Variants in IQUB observed in about 807,000 individuals in gnomAD.
IQUB encodes IQ motif and ubiquitin-like domain-containing protein.
Under a neutral mutation model 86.4 loss-of-function variants are expected in IQUB, and 86 were observed. The ratio of observed to expected loss-of-function variants is 1.00; its 90% CI spans 0.84 to 1.19. The LOEUF is 1.19. IQUB is among the 50% of genes most tolerant of loss of function. The pLI, the probability that IQUB is intolerant of heterozygous loss-of-function variation, is 0.00. For synonymous variants in IQUB, 289 were observed against 304.5 expected (o/e 0.95, Z 0.53); for missense variants, 946 against 916.9 (o/e 1.03, Z -0.41).
intron 7 of IQUB, among the ~76,000 whole-genome samples, chr7:123,483,217 T>C (rs1372723924): frequency 6.6e-6 from 1 of 152,108 alleles, no homozygotes; most frequent in Non-Finnish European, 1.5e-5. Context: ...GAGGTTTACA[T>C]AGCTTTAGCT....
rs1402039539 is a variant in IQUB, at chr7:123,517,359, G to A, written c.-4-5015C>T. 4.0e-5 allele frequency among the ~76,000 whole-genome samples: 6 copies of A among 151,034 alleles called. No homozygotes were observed. The South Asian group carries it at 1.0e-3, about 26-fold the overall frequency. On this transcript the variant is annotated intron_variant, in intron 1 of 12. Transcript: ENST00000324698. ...ATCCTGGCTAACACGGTGAAACCCC[G>A]CTCTACTAAAAATACAAAAAAATTA... is the stretch of plus-strand genomic sequence containing the variant.
At position 123,514,070 on chromosome 7, in the gene IQUB, AT is replaced by A. The variant is rs113066570; in HGVS notation, c.-4-1727del. ...CAAACAGGTTAAATAAAAATAATTA[AT>A]AGTCATATACATTGTAATGAAATTA... On this transcript the variant is annotated intron_variant, in intron 1 of 12. Coordinates refer to ENST00000324698, the MANE Select transcript of IQUB (RefSeq NM_178827.5). 4.9e-3 allele frequency among the ~76,000 whole-genome samples: 753 copies of A among 152,392 alleles called. 4 individuals are homozygous for A. The highest frequency in any genetic ancestry group is 0.017 in the African/African-American group (706 of 41,602).
chr7:123,509,735 G>C (rs528326663), intron 3 of IQUB, among the ~76,000 whole-genome samples, 166 bp downstream of exon 3: 1 of 152,212 alleles, frequency 6.6e-6, no homozygotes, highest in African/African-American at 2.4e-5. Flanking sequence ...AAAGTATCTA[G>C]AACAAAGTAT....
At chr7:123,532,077 C>A (rs1797560247) in intron 1 of IQUB, among the ~76,000 whole-genome samples, 1 of 152,144 alleles carries the variant, frequency 6.6e-6, no homozygotes. Flanking sequence ...TTAATTCTTA[C>A]AGTTGATAAA....
intron 3 of IQUB, among the ~76,000 whole-genome samples, chr7:123,505,893 C>T (rs1416629434): frequency 1.3e-5 from 2 of 152,144 alleles, no homozygotes; most frequent in Non-Finnish European, 2.9e-5. Context: ...AATTTTTATG[C>T]TCTGCTTCCT....
At chr7:123,505,854 T>C (rs1024210560) in intron 3 of IQUB, among the ~76,000 whole-genome samples, 5 of 152,342 alleles carry the variant, frequency 3.3e-5, no homozygotes, top group African/African-American at 1.2e-4. Context: ...TTTTCTTTTC[T>C]ACCAAATGAT....
At chr7:123,520,997 T>A (rs1796876528) in intron 1 of IQUB, among the ~76,000 whole-genome samples, 1 of 152,112 alleles carries the variant, frequency 6.6e-6, no homozygotes, top group Admixed American at 6.5e-5. Flanking sequence ...GAGGTATGCA[T>A]GGAAATTAGA....
At chr7:123,485,136 G>T (rs1482602746) in intron 7 of IQUB, among the ~76,000 whole-genome samples, 1 of 152,066 alleles carries the variant, frequency 6.6e-6, no homozygotes, top group South Asian at 2.1e-4. Flanking sequence ...AGTACCATTG[G>T]TTGGGTGGTT....
intron 6 of IQUB, among the ~76,000 whole-genome samples, chr7:123,497,931 G>C (rs1180891649): frequency 6.6e-6 from 1 of 151,780 alleles, no homozygotes; most frequent in African/African-American, 2.4e-5. Flanking sequence ...CTGATGGATG[G>C]TCTGAGCAGA....
intron 1 of IQUB, among the ~76,000 whole-genome samples, chr7:123,517,530 C>CAAAAAAAAAA (rs374712007): frequency 4.5e-5 from 1 of 22,450 alleles, no homozygotes; most frequent in African/African-American, 2.0e-4. Flanking sequence ...GACTCCATCT[C>CAAAAAAAAAA]AAAAAAAAAA....
chr7:123,475,189 C>T lies in IQUB; in HGVS notation c.1410+4606G>A, dbSNP rs1280774255. Among the ~76,000 whole-genome samples, 4 of 152,110 alleles carry T rather than the reference C, an allele frequency of 2.6e-5. No individual in the cohort carries two copies. The South Asian group carries it at 6.2e-4, about 24-fold the overall frequency. Reference sequence around the variant, plus strand: ...TTACCTTATCTAGTTCCCTCTAGAACAACTCTTGAAAACTTCCATTTTCCT... The same window carrying T: ...TTACCTTATCTAGTTCCCTCTAGAATAACTCTTGAAAACTTCCATTTTCCT... On this transcript the variant is annotated intron_variant, in intron 8 of 12. Coordinates refer to ENST00000324698, the MANE Select transcript of IQUB (RefSeq NM_178827.5).
intron 1 of IQUB, among the ~76,000 whole-genome samples, chr7:123,513,514 T>C (rs562709347): frequency 1.3e-5 from 2 of 152,232 alleles, no homozygotes; most frequent in Admixed American, 6.5e-5. Context: ...TTGGAGACTA[T>C]GTGCGGTCTT....
chr7:123,457,667 AATTATT>A, intron 11 of IQUB, 101 bp from the exon 12 acceptor site: 1 of 900,382 alleles, frequency 1.1e-6, no homozygotes, highest in South Asian at 1.6e-5. Flanking sequence ...TTTTTAAGTG[AATTATT>A]ATTCACTAGG....
intron 1 of IQUB, among the ~76,000 whole-genome samples, chr7:123,529,425 C>T (rs978251141): frequency 8.6e-5 from 13 of 151,406 alleles, no homozygotes; most frequent in Admixed American, 2.6e-4. Context: ...CAAGGCTAAG[C>T]CACATGGTAG....
chr7:123,477,919 A>G (rs62483332), intron 8 of IQUB, among the ~76,000 whole-genome samples: 20,265 of 152,226 alleles, frequency 0.13, 1,760 homozygotes, highest in Middle Eastern at 0.23. Flanking sequence ...TAGAATGGCG[A>G]TCATTAAAAT....
At chr7:123,481,275 A>T (rs1487243563) in intron 7 of IQUB, among the ~76,000 whole-genome samples, 1 of 152,196 alleles carries the variant, frequency 6.6e-6, no homozygotes, top group South Asian at 2.1e-4. Flanking sequence ...CAAGACATAA[A>T]TATTTCTATT....
chr7:123,502,533 C>T, intron 6 of IQUB, 64 bp downstream of exon 6: 1 of 1,413,052 alleles, frequency 7.1e-7, no homozygotes, highest in Non-Finnish European at 9.9e-7. Context: ...GAAAGAGACA[C>T]ACTCGGAACA....
intron 12 of IQUB, 81 bp from the exon 13 acceptor site, chr7:123,453,006 T>C: frequency 9.6e-7 from 1 of 1,041,754 alleles, no homozygotes; most frequent in Non-Finnish European, 1.4e-6. Context: ...CTCGGTGCCT[T>C]TGCTTGTCAA....
chr7:123,523,520 C>G (rs1013534431), intron 1 of IQUB, among the ~76,000 whole-genome samples: 8 of 152,230 alleles, frequency 5.3e-5, no homozygotes, highest in Non-Finnish European at 8.8e-5. Flanking sequence ...AGTGTCTGTT[C>G]ATCTCCTTTG....
Sources: gnomAD v4.1 joint callset for allele counts (sites outside exome capture counted in the v4.1 genomes callset) on GRCh38, gnomAD v4.1.1 for gene constraint, MANE v1.5 for transcripts, NCBI Gene and HGNC (gene_info 2026-07-23, HGNC 2026-07-21) for gene names.